Variants in NSUN7 observed in about 807,000 individuals in gnomAD.
NSUN7 encodes NOP2/Sun RNA methyltransferase family member 7.
NSUN7 carries 39 observed loss-of-function variants against 58.5 expected under a neutral mutation model. That is an observed-to-expected ratio of 0.67 (90% CI 0.52 to 0.87). The LOEUF is 0.87. NSUN7 is among the 40% of genes least tolerant of loss of function. NSUN7 has a pLI of 0.00. For missense variants in NSUN7, 765 were observed against 844.1 expected (o/e 0.91, Z 1.16); for synonymous variants, 278 against 303.7 (o/e 0.92, Z 0.88).
intron 7 of NSUN7, 115 bp from the exon 8 acceptor site, chr4:40,790,487 A>G: frequency 1.6e-6 from 1 of 642,472 alleles, no homozygotes; most frequent in Non-Finnish European, 2.5e-6. Context: ...CTACATCAAA[A>G]TGAATTTTTG....
intron 8 of NSUN7, among the ~76,000 whole-genome samples, chr4:40,792,401 A>G (rs1462895671): frequency 1.3e-5 from 2 of 152,196 alleles, no homozygotes; most frequent in African/African-American, 2.4e-5. Flanking sequence ...AACATTTCCT[A>G]GGTACTGGTA....
Position 40,808,754 on chromosome 4 carries a change from A to G in NSUN7, c.1972A>G (p.Met658Val). The G allele has an allele frequency of 6.5e-7, 1 of 1,550,000 alleles. No individual in the cohort carries two copies. The highest frequency in any genetic ancestry group is 1.2e-5 in the South Asian group (1 of 83,874). The stretch of plus-strand genomic sequence containing the variant: ...CAAGATTGTTCTGCCTCCAGTCTTT[A>G]TGCCATTTTCAAGTCCCCAAGGGAT... ...PIKIVLPPVF[M>V]PFSSPQGIRS... is the part of the protein sequence containing the mutation. Residue 658 changes from methionine to valine, a missense_variant, in exon 12 of 12, where the codon ATG becomes GTG. By Grantham distance (21) the Met-to-Val change is conservative. Coordinates refer to ENST00000381782, the MANE Select transcript of NSUN7 (RefSeq NM_024677.6).
At chr4:40,802,890 T>C (rs997305740) in intron 10 of NSUN7, among the ~76,000 whole-genome samples, 2 of 150,310 alleles carry the variant, frequency 1.3e-5, no homozygotes, top group African/African-American at 4.9e-5. Context: ...CTGCACCCAT[T>C]AACTTGTCAT....
rs538611923 is a variant in NSUN7 at position 40,786,730 on chromosome 4, T to C, written c.1037-3872T>C. 54 of 1,539,866 alleles carry C rather than the reference T, an allele frequency of 3.5e-5. No homozygotes were observed. The East Asian group carries it at 1.1e-3, about 33-fold the overall frequency. ...GAAAGATGAATATCAATACCTATTA[T>C]ATCTGTGTGGAGTAGGTTTTCTCTG... On this transcript the variant is annotated intron_variant, in intron 7 of 11. Coordinates refer to ENST00000381782, the MANE Select transcript of NSUN7 (RefSeq NM_024677.6).
intron 8 of NSUN7, among the ~76,000 whole-genome samples, chr4:40,793,558 G>A (rs1055214265): frequency 6.6e-6 from 1 of 152,214 alleles, no homozygotes; most frequent in Non-Finnish European, 1.5e-5. Flanking sequence ...GTACTGGAAT[G>A]GGCAACAGCC....
At chr4:40,755,141 G>A (rs1330832842) in intron 2 of NSUN7, among the ~76,000 whole-genome samples, 1 of 152,174 alleles carries the variant, frequency 6.6e-6, no homozygotes, top group Admixed American at 6.5e-5. Context: ...CCAGACTGGA[G>A]TGCAGTGGCG....
chr4:40,782,860 C>G (rs1742642700), intron 7 of NSUN7, among the ~76,000 whole-genome samples: 1 of 151,814 alleles, frequency 6.6e-6, no homozygotes, highest in African/African-American at 2.4e-5. Flanking sequence ...AAAGTGAGAC[C>G]CTGTCTCTAA....
Position 40,811,012 on chromosome 4 carries a change from T to A in NSUN7, c.*2073T>A, listed in dbSNP as rs1331778830. On this transcript the variant is annotated 3_prime_UTR_variant, in exon 12 of 12. Transcript: ENST00000381782. ...ATTTTCAAGTGTATTTTCTGTGATGTTGTCTCATTGTTATGGAATAGTTTA... is the reference window on the plus strand; with the variant it reads ...ATTTTCAAGTGTATTTTCTGTGATGATGTCTCATTGTTATGGAATAGTTTA... The A allele has an allele frequency of 6.6e-6, 1 of 152,252 alleles. No homozygotes were observed. The highest frequency in any genetic ancestry group is 2.4e-5 in the African/African-American group (1 of 41,468). 9.4% of individuals were successfully genotyped at this position (152,252 alleles called of 1,614,324 possible).
chr4:40,776,850 AAG>A (rs1742295392), intron 7 of NSUN7, among the ~76,000 whole-genome samples: 3 of 152,188 alleles, frequency 2.0e-5, no homozygotes, highest in African/African-American at 7.2e-5. Flanking sequence ...TCCTGGGCTC[AAG>A]TGATCCACCT....
At chr4:40,778,053 T>C (rs1742352993) in intron 7 of NSUN7, among the ~76,000 whole-genome samples, 1 of 152,186 alleles carries the variant, frequency 6.6e-6, no homozygotes, top group Admixed American at 6.5e-5. Context: ...AGGAAATAAA[T>C]GAGATATGGA....
intron 2 of NSUN7, among the ~76,000 whole-genome samples, chr4:40,752,569 C>T (rs533663391): frequency 2.0e-5 from 3 of 152,080 alleles, no homozygotes; most frequent in East Asian, 3.9e-4. Context: ...TACAGGCGCA[C>T]GCCACCATGC....
chr4:40,763,457 C>T (rs1741555889), intron 4 of NSUN7, among the ~76,000 whole-genome samples: 1 of 152,130 alleles, frequency 6.6e-6, no homozygotes, highest in Non-Finnish European at 1.5e-5. Flanking sequence ...CGTGCTTCTC[C>T]TAGTTTCTGT....
intron 4 of NSUN7, among the ~76,000 whole-genome samples, chr4:40,767,412 C>T (rs565216456): frequency 1.2e-4 from 19 of 152,286 alleles, no homozygotes; most frequent in African/African-American, 4.6e-4. Flanking sequence ...TTTCTTAATC[C>T]TGAGTTCTAG....
intron 4 of NSUN7, among the ~76,000 whole-genome samples, chr4:40,768,965 C>T (rs1324915779): frequency 6.6e-6 from 1 of 152,158 alleles, no homozygotes; most frequent in Non-Finnish European, 1.5e-5. Flanking sequence ...TTCCAAACCA[C>T]CCCAAAACCA....
chr4:40,804,367 A>C (rs1221917516), intron 10 of NSUN7, among the ~76,000 whole-genome samples: 4 of 151,194 alleles, frequency 2.6e-5, no homozygotes, highest in Non-Finnish European at 4.4e-5. Context: ...TTGAACTAGG[A>C]GGCGGAGGTT....
chr4:40,789,561 A>G (rs1378328737), intron 7 of NSUN7, among the ~76,000 whole-genome samples: 2 of 143,638 alleles, frequency 1.4e-5, no homozygotes, highest in Non-Finnish European at 1.5e-5. Context: ...TAGATTCAAA[A>G]TAATAGGGGG....
At chr4:40,771,330 G>A (rs1032974370) in intron 4 of NSUN7, among the ~76,000 whole-genome samples, 1 of 152,128 alleles carries the variant, frequency 6.6e-6, no homozygotes, top group African/African-American at 2.4e-5. Context: ...TAACATGGGA[G>A]CTACATTTTA....
rs759137233 is a variant in NSUN7, at chr4:40,786,691, C to T, written c.1037-3911C>T. 3.4e-5 allele frequency: 54 copies of T among 1,575,820 alleles called. 1 individual carries two copies. The highest frequency in any genetic ancestry group is 9.5e-5 in the South Asian group (8 of 84,600). On this transcript the variant is annotated intron_variant, in intron 7 of 11. Coordinates refer to ENST00000381782, the MANE Select transcript of NSUN7 (RefSeq NM_024677.6). Reference sequence around the variant, plus strand: ...GATCATTAAAAGAAGAAAAATGTTGCGGCAACAGAAAAAGAAAGATGAATA... The same window carrying T: ...GATCATTAAAAGAAGAAAAATGTTGTGGCAACAGAAAAAGAAAGATGAATA...
chr4:40,755,918 T>C (rs1261972946), intron 2 of NSUN7, among the ~76,000 whole-genome samples: 1 of 152,212 alleles, frequency 6.6e-6, no homozygotes, highest in East Asian at 1.9e-4. Flanking sequence ...ACAACATGAA[T>C]GAAGCATTGT....
Sources: allele counts gnomAD v4.1 joint callset (sites outside exome capture counted in the v4.1 genomes callset), GRCh38; gene constraint gnomAD v4.1.1; transcripts MANE v1.5; gene names NCBI Gene and HGNC (gene_info 2026-07-23, HGNC 2026-07-21).